TMEM117: variants seen among roughly 807,000 people sequenced by gnomAD.
The protein encoded by TMEM117 is transmembrane protein 117.
Under a neutral mutation model 52.4 loss-of-function variants are expected in TMEM117, and 27 were observed. That is an observed-to-expected ratio of 0.51 (90% confidence interval 0.38 to 0.71). The LOEUF is 0.71. Among genes scored for constraint, TMEM117 ranks in the 30% least tolerant of loss-of-function variants. The probability of loss-of-function intolerance (pLI) is 0.00; values close to 1 mark genes in which losing one functional copy is unlikely to be tolerated. For missense variants in TMEM117, 556 were observed against 630.5 expected, an observed-to-expected ratio of 0.88 and a Z score of 1.26; for synonymous variants, 215 against 206.3, an observed-to-expected ratio of 1.04 and a Z score of -0.36.
chr12:43,977,993 T>C (rs1474187354), intron 3 of TMEM117, among the ~76,000 whole-genome samples: 1 of 152,216 alleles, frequency 6.6e-6, no homozygotes, highest in African/African-American at 2.4e-5. Flanking sequence ...CAAAACTGAT[T>C]AGGTTCTAGT....
At position 43,844,933 on chromosome 12, in the gene TMEM117, G is replaced by A. The variant is rs767470117; in HGVS notation, c.277+5G>A. 3 of 1,603,886 alleles carry A rather than the reference G, an allele frequency of 1.9e-6. No homozygotes were observed. Among genetic ancestry groups the A allele is most frequent in the South Asian group, 1.1e-5 (1 of 88,728 alleles). ...TGTTCCATCAGCGTTTGTTTGGTAA[G>A]TACCATGACCCATGAAATGTAATAT... On this transcript the variant is annotated splice_donor_5th_base_variant and intron_variant, in intron 2 of 7. Transcript: ENST00000266534.
intron 3 of TMEM117, among the ~76,000 whole-genome samples, chr12:44,077,450 G>A (rs1305193442): frequency 6.6e-6 from 1 of 152,032 alleles, no homozygotes; most frequent in Non-Finnish European, 1.5e-5. Flanking sequence ...ACTTAGAAAC[G>A]TTGAGCTGAA....
In TMEM117 at chr12:44,389,246, G is replaced by A. The variant is rs760387424; in HGVS notation, c.*574G>A. ...TGGCTGTCTGCCAAATATAAATACA[G>A]ATGCAAAATTCAGTAATAGGAGATC... On this transcript the variant is annotated 3_prime_UTR_variant, in exon 8 of 8. Coordinates refer to ENST00000266534, the MANE Select transcript of TMEM117 (RefSeq NM_032256.3). The A allele has an allele frequency of 1.3e-5, 2 of 153,800 alleles. No homozygotes were observed. Among genetic ancestry groups the A allele is most frequent in the Non-Finnish European group, 2.9e-5 (2 of 68,926 alleles). The allele number at this position is 153,800 out of a possible 1,614,324, so 9.5% of individuals were successfully genotyped here.
Position 44,295,947 on chromosome 12 carries a change from A to G in TMEM117, c.609-3633A>G, listed in dbSNP as rs868573243. Among the ~76,000 whole-genome samples, 4 of 152,204 alleles carry G rather than the reference A, an allele frequency of 2.6e-5. No individual in the cohort carries two copies. In the South Asian group the frequency reaches 8.3e-4, roughly 32 times the overall value. On this transcript the variant is annotated intron_variant, in intron 5 of 7. Coordinates refer to ENST00000266534, the MANE Select transcript of TMEM117 (RefSeq NM_032256.3). ...TGTGTCTGCATTTGAAGGAACAAAT[A>G]CCTGTTCAAGTCTTTACAGATTGGC...
chr12:43,822,036 C>G, the TMEM117 span, among the ~76,000 whole-genome samples: 1 of 152,132 alleles, frequency 6.6e-6, no homozygotes, highest in East Asian at 1.9e-4. Flanking sequence ...TGATGAGTCT[C>G]AAAGAGTTTT....
At chr12:43,832,304 C>T (rs1241305413), upstream of TMEM117, among the ~76,000 whole-genome samples, 1 of 152,188 alleles carries the variant, frequency 6.6e-6, no homozygotes, top group African/African-American at 2.4e-5. Context: ...ATGGCCTTTA[C>T]TGACTACCTA....
intron 6 of TMEM117, among the ~76,000 whole-genome samples, chr12:44,345,424 T>C (rs1951472332): frequency 6.6e-6 from 1 of 152,136 alleles, no homozygotes; most frequent in Non-Finnish European, 1.5e-5. Context: ...GGGGAGACCT[T>C]AGGTAGGTTA....
intron 6 of TMEM117, among the ~76,000 whole-genome samples, chr12:44,311,839 GTATATATATGTATATATGTATATATA>G (rs1565701697): frequency 3.4e-4 from 18 of 53,358 alleles, no homozygotes; most frequent in Non-Finnish European, 1.1e-4. Flanking sequence ...ATGTATATAT[GTATATATATGTATATATGTATATATA>G]TGTATATATA....
chr12:44,107,662 C>G (rs1947982557), intron 3 of TMEM117, among the ~76,000 whole-genome samples: 1 of 152,056 alleles, frequency 6.6e-6, no homozygotes, highest in African/African-American at 2.4e-5. Flanking sequence ...TAAAATATTT[C>G]AATGGTATTT....
intron 2 of TMEM117, among the ~76,000 whole-genome samples, chr12:43,887,932 C>G (rs1482541778): frequency 6.6e-6 from 1 of 152,158 alleles, no homozygotes; most frequent in East Asian, 1.9e-4. Flanking sequence ...AGTTACAGAT[C>G]CCTTCTTTCT....
At chr12:44,020,629 G>A (rs1055579632) in intron 3 of TMEM117, among the ~76,000 whole-genome samples, 4 of 152,182 alleles carry the variant, frequency 2.6e-5, no homozygotes, top group African/African-American at 9.7e-5. Context: ...GGCTATGAAT[G>A]CTGATTTAAA....
chr12:44,207,440 A>G (rs1490698711), intron 4 of TMEM117, among the ~76,000 whole-genome samples: 1 of 152,220 alleles, frequency 6.6e-6, no homozygotes, highest in Non-Finnish European at 1.5e-5. Flanking sequence ...CAGTTTTGTC[A>G]CACAAATATT....
intron 6 of TMEM117, among the ~76,000 whole-genome samples, chr12:44,332,326 A>C (rs953339398): frequency 7.2e-5 from 11 of 152,106 alleles, no homozygotes; most frequent in Non-Finnish European, 1.5e-4. Flanking sequence ...TTCTTACTAG[A>C]AGGTGGAAAA....
intron 2 of TMEM117, among the ~76,000 whole-genome samples, chr12:43,875,727 G>A (rs984744666): frequency 6.6e-6 from 1 of 152,158 alleles, no homozygotes; most frequent in African/African-American, 2.4e-5. Context: ...ATTTACTATT[G>A]AAAGGAAGAA....
intron 3 of TMEM117, among the ~76,000 whole-genome samples, chr12:44,024,390 C>T (rs549031699): frequency 2.0e-5 from 3 of 152,218 alleles, no homozygotes; most frequent in Non-Finnish European, 4.4e-5. Context: ...CAGTCCTCAC[C>T]GTTACAGTAC....
chr12:44,258,932 C>A (rs1022095963), intron 5 of TMEM117, among the ~76,000 whole-genome samples: 4 of 151,972 alleles, frequency 2.6e-5, no homozygotes, highest in Non-Finnish European at 5.9e-5. Context: ...CATAAAGTCA[C>A]CATGGATGTC....
intron 3 of TMEM117, among the ~76,000 whole-genome samples, chr12:43,945,269 A>G (rs1051227693): frequency 1.3e-5 from 2 of 152,198 alleles, no homozygotes; most frequent in Non-Finnish European, 2.9e-5. Flanking sequence ...TCATTATATA[A>G]TGAAACACAA....
intron 4 of TMEM117, among the ~76,000 whole-genome samples, chr12:44,201,831 C>A (rs991939997): frequency 6.6e-6 from 1 of 152,010 alleles, no homozygotes; most frequent in African/African-American, 2.4e-5. Flanking sequence ...ACATAACACC[C>A]AATTATAAAG....
Position 44,133,242 on chromosome 12 carries a change from G to A in TMEM117, c.411-10283G>A, listed in dbSNP as rs75716858. ...CTTGGTGCACATGTTGACAACATGAGTGGCAGTAGCAGGCTCTTTGGTGGG... is the reference window on the plus strand; with the variant it reads ...CTTGGTGCACATGTTGACAACATGAATGGCAGTAGCAGGCTCTTTGGTGGG... On this transcript the variant is annotated intron_variant, in intron 3 of 7. Transcript: ENST00000266534. 1.3e-3 allele frequency among the ~76,000 whole-genome samples: 204 copies of A among 152,292 alleles called. 1 individual carries two copies. The highest frequency in any genetic ancestry group is 4.7e-3 in the African/African-American group (194 of 41,558).
Sources: allele counts gnomAD v4.1 joint callset (sites outside exome capture counted in the v4.1 genomes callset), GRCh38; gene constraint gnomAD v4.1.1; transcripts MANE v1.5; gene names NCBI Gene and HGNC (gene_info 2026-07-23, HGNC 2026-07-21).